LAMC1: variants seen among roughly 807,000 people sequenced by gnomAD.
LAMC1 encodes the protein laminin subunit gamma 1.
A neutral mutation model predicts 173.6 loss-of-function variants in LAMC1; 38 were observed. The observed-to-expected ratio is 0.22, with a 90% CI of 0.17 to 0.29. The LOEUF is 0.29. LAMC1 is among the 10% of genes least tolerant of loss of function. The probability of loss-of-function intolerance (pLI) is 1.00; values close to 1 mark genes in which losing one functional copy is unlikely to be tolerated. For missense variants in LAMC1, 1,824 were observed against 2,051.8 expected, an observed-to-expected ratio of 0.89 and a Z score of 2.14; for synonymous variants, 746 against 749.1, an observed-to-expected ratio of 1.00 and a Z score of 0.07.
chr1:183,054,876 G>T (rs1183900533), intron 1 of LAMC1, among the ~76,000 whole-genome samples: 1 of 152,102 alleles, frequency 6.6e-6, no homozygotes, highest in Non-Finnish European at 1.5e-5. Context: ...AGAGGAGCAG[G>T]CCAGGAAGCC....
At chr1:183,028,157 C>A (rs902857195) in intron 1 of LAMC1, among the ~76,000 whole-genome samples, 1 of 151,806 alleles carries the variant, frequency 6.6e-6, no homozygotes, top group Non-Finnish European at 1.5e-5. Context: ...CATTCCTCCC[C>A]CCCCCCACCT....
intron 18 of LAMC1, 67 bp downstream of exon 18, chr1:183,128,817 C>A: frequency 2.8e-6 from 3 of 1,090,632 alleles, no homozygotes; most frequent in Non-Finnish European, 2.5e-6. Flanking sequence ...GCTCCTAAAG[C>A]AAGGTTAGTA....
intron 1 of LAMC1, among the ~76,000 whole-genome samples, chr1:183,066,966 T>TAA (rs543105513): frequency 6.6e-6 from 1 of 151,550 alleles, no homozygotes; most frequent in Non-Finnish European, 1.5e-5. Flanking sequence ...AAGTATAATT[T>TAA]AAAAAAAAAT....
chr1:183,092,098 C>T, intron 1 of LAMC1, among the ~76,000 whole-genome samples: 1 of 152,106 alleles, frequency 6.6e-6, no homozygotes, highest in Non-Finnish European at 1.5e-5. Flanking sequence ...GGAGTGAGTA[C>T]CCCTGTTGAC....
chr1:183,103,177 T>G (rs1230568215), intron 1 of LAMC1, 151 bp from the exon 2 acceptor site: 1 of 787,660 alleles, frequency 1.3e-6, no homozygotes, highest in Non-Finnish European at 2.0e-6. Flanking sequence ...GGAAAATACG[T>G]AGTTTTCTGT....
At chr1:183,099,922 G>A (rs1655790312) in intron 1 of LAMC1, among the ~76,000 whole-genome samples, 1 of 152,106 alleles carries the variant, frequency 6.6e-6, no homozygotes, top group Non-Finnish European at 1.5e-5. Flanking sequence ...CCTGCCTCCA[G>A]TCCTGCCCAC....
chr1:183,023,607 C>A lies in LAMC1; in HGVS notation c.-110C>A. ...GCCACCGCCCGCGCCGGAGTCAGGC[C>A]CCTGGGCCCCCAGGCTCAAGCAGCG... On this transcript the variant is annotated 5_prime_UTR_variant, in exon 1 of 28. Transcript: ENST00000258341. 1 of 856,222 alleles carries A rather than the reference C, an allele frequency of 1.2e-6. No homozygotes were observed. Among genetic ancestry groups the A allele is most frequent in the Non-Finnish European group, 1.5e-6 (1 of 679,598 alleles). The allele number at this position is 856,222 out of a possible 1,614,324, so 53.0% of individuals were successfully genotyped here. A position where few individuals can be genotyped will look rare whatever the true frequency, so the allele number is the denominator to read the frequency against.
At chr1:183,057,334 C>G (rs939872582) in intron 1 of LAMC1, among the ~76,000 whole-genome samples, 1 of 152,236 alleles carries the variant, frequency 6.6e-6, no homozygotes, top group Non-Finnish European at 1.5e-5. Flanking sequence ...AGCCCTCATT[C>G]CTTACCACTC....
At chr1:183,034,156 T>A (rs1227495694) in intron 1 of LAMC1, among the ~76,000 whole-genome samples, 3 of 152,202 alleles carry the variant, frequency 2.0e-5, no homozygotes, top group Non-Finnish European at 4.4e-5. Flanking sequence ...GACATTATAG[T>A]ATGGGATGTG....
intron 1 of LAMC1, among the ~76,000 whole-genome samples, chr1:183,083,018 T>A (rs1022609388): frequency 6.6e-6 from 1 of 152,218 alleles, no homozygotes; most frequent in African/African-American, 2.4e-5. Context: ...TCTGTGATAC[T>A]GAATCTTTCA....
chr1:183,060,226 G>A (rs1654707836), intron 1 of LAMC1, among the ~76,000 whole-genome samples: 2 of 152,008 alleles, frequency 1.3e-5, no homozygotes, highest in African/African-American at 2.4e-5. Flanking sequence ...CATTTGTGCT[G>A]TATCTCTGGC....
rs769081377 is a variant in LAMC1, at chr1:183,128,737, C to T, written c.3267C>T (p.Ala1089=). ...AAGTTATGGACCTCCTTCGTGAGGC[C>T]CAGGATGTCAAAGGTACGCATGATT... The part of the protein sequence containing the change: ...EREVMDLLRE[A]QDVKDVDQNL... The change falls in exon 18 of 28, where the codon GCC becomes GCT. Residue 1089 remains alanine (A), a synonymous_variant. Transcript: ENST00000258341. 2.5e-6 allele frequency: 4 copies of T among 1,612,754 alleles called. No individual in the cohort carries two copies. In the East Asian group the frequency reaches 8.9e-5, roughly 36 times the overall value.
intron 1 of LAMC1, among the ~76,000 whole-genome samples, chr1:183,072,465 G>A (rs912518658): frequency 2.6e-5 from 4 of 152,174 alleles, no homozygotes; most frequent in Non-Finnish European, 4.4e-5. Flanking sequence ...TTCTTTATGG[G>A]TGTGGTCACT....
At chr1:183,135,606 A>G (rs980825184) in intron 24 of LAMC1, among the ~76,000 whole-genome samples, 5 of 152,272 alleles carry the variant, frequency 3.3e-5, no homozygotes, top group African/African-American at 1.2e-4. Flanking sequence ...AGTTGAAAAT[A>G]TGGGCCAGGC....
Position 183,122,081 on chromosome 1 carries a change from A to G in LAMC1, c.2231A>G (p.Asp744Gly). 5 of 1,613,888 alleles carry G rather than the reference A, an allele frequency of 3.1e-6. No homozygotes were observed. The highest frequency in any genetic ancestry group is 4.2e-6 in the Non-Finnish European group (5 of 1,179,816). Residue 744 changes from aspartate to glycine, a missense_variant, in exon 13 of 28, where the codon GAC becomes GGC. Coordinates refer to ENST00000258341, the MANE Select transcript of LAMC1 (RefSeq NM_002293.4). ...DPETGVCNCR[D>G]NTAGPHCEKC... ...CAAATAGGTGTTTGTAACTGCAGAG[A>G]CAATACGGCTGGCCCGCACTGTGAG...
intron 1 of LAMC1, among the ~76,000 whole-genome samples, chr1:183,076,186 G>A (rs1347913787): frequency 1.3e-5 from 2 of 152,090 alleles, no homozygotes; most frequent in Admixed American, 6.5e-5. Context: ...CTGTAACTAT[G>A]CCTCCACAGT....
chr1:183,119,286 G>A (rs972950259), intron 11 of LAMC1, among the ~76,000 whole-genome samples: 1 of 152,140 alleles, frequency 6.6e-6, no homozygotes, highest in African/African-American at 2.4e-5. Flanking sequence ...TAGTGATGAT[G>A]TGGTATTGGG....
At chr1:183,056,286 A>G in intron 1 of LAMC1, among the ~76,000 whole-genome samples, 1 of 152,254 alleles carries the variant, frequency 6.6e-6, no homozygotes, top group South Asian at 2.1e-4. Flanking sequence ...GTTTAAATAG[A>G]ATGGTGAACA....
In LAMC1 at chr1:183,143,614, A is replaced by AT. The variant is rs1157239674; in HGVS notation, c.*825dup. 2.6e-5 allele frequency: 4 copies of AT among 152,322 alleles called. No individual in the cohort carries two copies. Among genetic ancestry groups the AT allele is most frequent in the African/African-American group, 9.7e-5 (4 of 41,242 alleles). 9.4% of individuals were successfully genotyped at this position (152,322 alleles called of 1,614,324 possible). A position where few individuals can be genotyped will look rare whatever the true frequency, so the allele number is the denominator to read the frequency against. Reference sequence around the variant, plus strand: ...GAACTTACACAGAAGAAATAGGGATATGATAACCACTAAAATTTTGTTTTC... The same window carrying AT: ...GAACTTACACAGAAGAAATAGGGATATTGATAACCACTAAAATTTTGTTTTC... On this transcript the variant is annotated 3_prime_UTR_variant, in exon 28 of 28. Transcript: ENST00000258341.
Sources: allele counts gnomAD v4.1 joint callset (sites outside exome capture counted in the v4.1 genomes callset), GRCh38; gene constraint gnomAD v4.1.1; transcripts MANE v1.5; gene names NCBI Gene and HGNC (gene_info 2026-07-23, HGNC 2026-07-21).